The following FRMD6 variants were observed in gnomAD, a reference collection of about 807,000 sequenced individuals.
The protein encoded by FRMD6 is FERM domain containing 6, also known as FERM domain-containing protein 6.
A neutral mutation model predicts 73.2 loss-of-function variants in FRMD6; 37 were observed. That is an observed-to-expected ratio of 0.51 (90% confidence interval 0.39 to 0.66). The LOEUF is 0.66. FRMD6 is among the 30% of genes least tolerant of loss of function. The pLI, the probability that FRMD6 is intolerant of heterozygous loss-of-function variation, is 0.00. For missense variants in FRMD6, 714 were observed against 780.5 expected, an observed-to-expected ratio of 0.91 and a Z score of 1.02; for synonymous variants, 273 against 282.2, an observed-to-expected ratio of 0.97 and a Z score of 0.33.
At chr14:51,548,660 G>A (rs1047619714) in intron 1 of FRMD6, among the ~76,000 whole-genome samples, 2 of 152,190 alleles carry the variant, frequency 1.3e-5, no homozygotes, top group African/African-American at 4.8e-5. Flanking sequence ...GGGAAACGGG[G>A]AGATAAGTTA....
At chr14:51,554,040 A>G (rs182189779) in intron 1 of FRMD6, among the ~76,000 whole-genome samples, 116 of 152,260 alleles carry the variant, frequency 7.6e-4, no homozygotes, top group Non-Finnish European at 9.8e-4. Context: ...AAAAAAATAT[A>G]CAAGATGAAC....
At chr14:51,717,732 G>A (rs932085981) in intron 10 of FRMD6, among the ~76,000 whole-genome samples, 1 of 151,970 alleles carries the variant, frequency 6.6e-6, no homozygotes, top group South Asian at 2.1e-4. Flanking sequence ...CCTTTTTTGG[G>A]CATTAGTTTA....
chr14:51,541,685 A>C (rs1187766677), intron 1 of FRMD6, among the ~76,000 whole-genome samples: 1 of 152,050 alleles, frequency 6.6e-6, no homozygotes, highest in Non-Finnish European at 1.5e-5. Context: ...AGAAACAAAA[A>C]TTGCTGAAAA....
chr14:51,646,899 C>T (rs1016991674), intron 2 of FRMD6, among the ~76,000 whole-genome samples: 6 of 151,996 alleles, frequency 3.9e-5, no homozygotes, highest in South Asian at 2.1e-4. Context: ...TAATTCTCTA[C>T]GATGGGCCCT....
At chr14:51,638,423 G>C (rs1891667369) in intron 2 of FRMD6, among the ~76,000 whole-genome samples, 1 of 152,172 alleles carries the variant, frequency 6.6e-6, no homozygotes, top group South Asian at 2.1e-4. Context: ...AGATGTGGGT[G>C]GTTCCGCATT....
chr14:51,421,002 C>T, the FRMD6 span, among the ~76,000 whole-genome samples: 8 of 152,116 alleles, frequency 5.3e-5, no homozygotes, highest in Non-Finnish European at 1.2e-4. Flanking sequence ...GTCTTGAACT[C>T]CTGAGCTCAA....
intron 2 of FRMD6, among the ~76,000 whole-genome samples, chr14:51,580,312 G>C (rs1888648619): frequency 6.6e-6 from 1 of 152,164 alleles, no homozygotes; most frequent in African/African-American, 2.4e-5. Flanking sequence ...TGCCCAGCAG[G>C]CTCAACCTGG....
chr14:51,588,168 T>C (rs1434632692), intron 2 of FRMD6, among the ~76,000 whole-genome samples: 1 of 152,164 alleles, frequency 6.6e-6, no homozygotes, highest in East Asian at 1.9e-4. Flanking sequence ...TTTCTCCTAA[T>C]ACAAAAAAGC....
chr14:51,563,271 C>G (rs370560938), intron 1 of FRMD6, among the ~76,000 whole-genome samples: 1 of 152,210 alleles, frequency 6.6e-6, no homozygotes, highest in East Asian at 1.9e-4. Flanking sequence ...GAGTGAAAGA[C>G]CCCATCTCTC....
At chr14:51,460,251 C>T in the FRMD6 span, among the ~76,000 whole-genome samples, 84 of 152,290 alleles carry the variant, frequency 5.5e-4, no homozygotes, top group African/African-American at 1.7e-3. Context: ...AGGAAACACA[C>T]ATGAACCACG....
chr14:51,529,867 G>T (rs980157365), intron 1 of FRMD6, among the ~76,000 whole-genome samples: 2 of 152,216 alleles, frequency 1.3e-5, no homozygotes, highest in Non-Finnish European at 2.9e-5. Context: ...ACAAAAGCAC[G>T]TTCTGAGTAT....
intron 1 of FRMD6, among the ~76,000 whole-genome samples, chr14:51,671,930 A>G (rs56033676): frequency 0.37 from 55,822 of 152,098 alleles, 10,358 homozygotes; most frequent in Middle Eastern, 0.5. Context: ...CAGAACTGAA[A>G]AATTTAATTC....
chr14:51,691,742 C>G (rs1895595152), intron 2 of FRMD6, among the ~76,000 whole-genome samples: 1 of 151,362 alleles, frequency 6.6e-6, no homozygotes, highest in African/African-American at 2.4e-5. Context: ...CTACAGGTGC[C>G]TGCCACCACA....
At chr14:51,666,775 T>C (rs1278932015) in intron 1 of FRMD6, among the ~76,000 whole-genome samples, 4 of 152,198 alleles carry the variant, frequency 2.6e-5, no homozygotes, top group Non-Finnish European at 5.9e-5. Context: ...GAATTTATTG[T>C]TTGGTACCTG....
At chr14:51,635,091 A>T (rs1206084193) in intron 2 of FRMD6, among the ~76,000 whole-genome samples, 1 of 152,110 alleles carries the variant, frequency 6.6e-6, no homozygotes, top group African/African-American at 2.4e-5. Flanking sequence ...ACCAGTATTA[A>T]GCAGGCAGAG....
chr14:51,568,064 C>T (rs1596618652), intron 1 of FRMD6, among the ~76,000 whole-genome samples: 1 of 152,252 alleles, frequency 6.6e-6, no homozygotes, highest in South Asian at 2.1e-4. Flanking sequence ...AGCTGAGAAG[C>T]ACTGGCTTGC....
At chr14:51,544,469 A>C (rs919990704) in intron 1 of FRMD6, among the ~76,000 whole-genome samples, 1 of 152,042 alleles carries the variant, frequency 6.6e-6, no homozygotes, top group African/African-American at 2.4e-5. Context: ...ATAATAGGGA[A>C]GTTTCTACTT....
intron 1 of FRMD6, among the ~76,000 whole-genome samples, chr14:51,559,848 T>G (rs900741365): frequency 2.0e-5 from 3 of 152,200 alleles, no homozygotes; most frequent in African/African-American, 7.2e-5. Flanking sequence ...GTGGAAACAC[T>G]TTTTCTGGAA....
At chr14:51,627,936 G>T (rs894338909) in intron 2 of FRMD6, among the ~76,000 whole-genome samples, 1 of 152,124 alleles carries the variant, frequency 6.6e-6, no homozygotes, top group East Asian at 1.9e-4. Context: ...TAGCATTTAC[G>T]TGTAACCTAC....
Sources: gnomAD v4.1 joint callset for allele counts (sites outside exome capture counted in the v4.1 genomes callset) on GRCh38, gnomAD v4.1.1 for gene constraint, MANE v1.5 for transcripts, NCBI Gene and HGNC (gene_info 2026-07-23, HGNC 2026-07-21) for gene names.